The following GSTT4 variants were observed in gnomAD, a reference collection of about 807,000 sequenced individuals.
GSTT4 encodes the protein glutathione S-transferase theta 4.
chr22:23,990,497 G>A, the GSTT4 span, among the ~76,000 whole-genome samples: 3 of 97,756 alleles, frequency 3.1e-5, no homozygotes, highest in African/African-American at 9.5e-5. Flanking sequence ...GGACGTGCCT[G>A]TAGTCCCAAC....
intron 2 of GSTT4, among the ~76,000 whole-genome samples, chr22:24,002,586 T>C (rs1002108108): frequency 2.6e-5 from 1 of 38,016 alleles, no homozygotes; most frequent in Non-Finnish European, 7.9e-5. Flanking sequence ...ATCCCAGCAC[T>C]CTGGGAGGCC....
chr22:24,004,276 C>G (rs2047887656), intron 1 of GSTT4: 1 of 152,876 alleles, frequency 6.5e-6, no homozygotes, highest in South Asian at 2.1e-4. Context: ...GCTGGACATC[C>G]AAAGGGAAGC....
the GSTT4 span, among the ~76,000 whole-genome samples, chr22:23,993,066 C>A: frequency 7.0e-6 from 1 of 143,322 alleles, no homozygotes; most frequent in African/African-American, 2.6e-5. Flanking sequence ...ATCCACCACC[C>A]CTGGCCTCTC....
At chr22:23,996,560 A>T (rs1175974201), downstream of GSTT4, among the ~76,000 whole-genome samples, 1 of 152,138 alleles carries the variant, frequency 6.6e-6, no homozygotes, top group Non-Finnish European at 1.5e-5. Context: ...TCGTAAAAGG[A>T]TGTTAGGTTT....
intron 2 of GSTT4, among the ~76,000 whole-genome samples, chr22:24,003,219 T>C (rs923826873): frequency 6.6e-6 from 1 of 152,264 alleles, no homozygotes; most frequent in Non-Finnish European, 1.5e-5. Flanking sequence ...TACTTATTTA[T>C]TTTTATTTTT....
At chr22:23,999,957 A>G (rs2034189548) in intron 4 of GSTT4, 118 bp downstream of exon 4, 1 of 154,752 alleles carries the variant, frequency 6.5e-6, no homozygotes, top group Admixed American at 6.5e-5. Flanking sequence ...CGCAGCCCCC[A>G]TGGCAGCTCT....
the GSTT4 span, among the ~76,000 whole-genome samples, chr22:23,992,052 C>CAAAAAAAAAAAA: frequency 2.9e-4 from 21 of 71,194 alleles, no homozygotes; most frequent in South Asian, 1.4e-3. Context: ...TACTCCGTCT[C>CAAAAAAAAAAAA]AAAAAAAAAA....
chr22:23,990,453 C>CA, the GSTT4 span, among the ~76,000 whole-genome samples: 408 of 29,964 alleles, frequency 0.014, 93 homozygotes, highest in South Asian at 0.047. Flanking sequence ...CTACACACAC[C>CA]AAAAAAAAAA....
chr22:23,992,685 C>A, the GSTT4 span, among the ~76,000 whole-genome samples: 1 of 151,888 alleles, frequency 6.6e-6, no homozygotes, highest in African/African-American at 2.4e-5. Flanking sequence ...GTGGACAGGG[C>A]ACTGTCTGCT....
At chr22:24,003,266 C>G (rs528080348) in intron 2 of GSTT4, among the ~76,000 whole-genome samples, 2 of 85,820 alleles carry the variant, frequency 2.3e-5, no homozygotes, top group Admixed American at 2.7e-4. Context: ...CGCTGAAGTG[C>G]AACGACGCAG....
downstream of GSTT4, among the ~76,000 whole-genome samples, chr22:23,996,445 T>A (rs183096627): frequency 5.4e-3 from 817 of 151,420 alleles, 9 homozygotes; most frequent in Non-Finnish European, 8.4e-3. Context: ...AAACGCTTGA[T>A]CTTTCACAAT....
intron 2 of GSTT4, among the ~76,000 whole-genome samples, chr22:24,002,714 C>A (rs939734247): frequency 5.4e-4 from 82 of 151,804 alleles, no homozygotes; most frequent in Non-Finnish European, 1.0e-3. Flanking sequence ...ACCTGTAGTC[C>A]CAGCTACTCA....
At chr22:23,992,052 C>CAAA in the GSTT4 span, among the ~76,000 whole-genome samples, 11 of 71,176 alleles carry the variant, frequency 1.5e-4, no homozygotes, top group African/African-American at 4.3e-4. Flanking sequence ...TACTCCGTCT[C>CAAA]AAAAAAAAAA....
At chr22:24,003,158 TAAGAAC>T (rs2034273679) in intron 2 of GSTT4, among the ~76,000 whole-genome samples, 2 of 105,582 alleles carry the variant, frequency 1.9e-5, no homozygotes, top group African/African-American at 3.2e-5. Context: ...TTGTTTGTTT[TAAGAAC>T]TCTTATCTCT....
Position 24,003,530 on chromosome 22 carries a change from T to C in GSTT4, c.200+230A>G, listed in dbSNP as rs2146234593. 2.0e-5 allele frequency among the ~76,000 whole-genome samples: 3 copies of C among 152,382 alleles called. No homozygotes were observed. In the East Asian group the frequency reaches 5.8e-4, roughly 29 times the overall value. ...TTCTAAACATTTATGAATGGAATGA[T>C]GGGGTGTCTGGGAGGCAGGGGAATA... On this transcript the variant is annotated intron_variant, in intron 2 of 4. Coordinates refer to ENST00000621179, the MANE Select transcript of GSTT4 (RefSeq NM_001358664.2).
At chr22:23,999,506 G>A (rs1341497834) in intron 4 of GSTT4, among the ~76,000 whole-genome samples, 2 of 120,158 alleles carry the variant, frequency 1.7e-5, no homozygotes, top group Admixed American at 1.8e-4. Context: ...CAGTGCCCTA[G>A]CTGGTGTGCA....
chr22:23,998,050 T>C (rs2034136287), downstream of GSTT4, among the ~76,000 whole-genome samples: 4 of 152,218 alleles, frequency 2.6e-5, no homozygotes, highest in Admixed American at 1.3e-4. Context: ...ATTTCAATCA[T>C]CTTAAATTTG....
chr22:23,993,212 G>C, the GSTT4 span, among the ~76,000 whole-genome samples: 11 of 142,304 alleles, frequency 7.7e-5, no homozygotes, highest in Non-Finnish European at 9.3e-5. Context: ...AGGTCTTCTT[G>C]TTGTTTCCTT....
rs1232729994 is a variant in GSTT4, at chr22:23,998,440, G to GTTTTTTTT, written c.*101_*102insAAAAAAAA. 186 of 139,912 alleles carry GTTTTTTTT rather than the reference G, an allele frequency of 1.3e-3. 2 individuals are homozygous for GTTTTTTTT. Among genetic ancestry groups the GTTTTTTTT allele is most frequent in the East Asian group, 6.3e-3 (29 of 4,594 alleles). The allele number at this position is 139,912 out of a possible 1,614,324, so 8.7% of individuals were successfully genotyped here. A position where few individuals can be genotyped will look rare whatever the true frequency, so the allele number is the denominator to read the frequency against. On this transcript the variant is annotated 3_prime_UTR_variant, in exon 5 of 5. Transcript: ENST00000621179. The stretch of plus-strand genomic sequence containing the variant: ...GTTCTTTATTAGGCAAAGAACAGTT[G>GTTTTTTTT]TTTTTTTGTTTTTTTGTTTTTTTTT...
Sources: allele counts gnomAD v4.1 joint callset (sites outside exome capture counted in the v4.1 genomes callset), GRCh38; gene constraint gnomAD v4.1.1; transcripts MANE v1.5; gene names NCBI Gene and HGNC (gene_info 2026-07-23, HGNC 2026-07-21).